ATP6AP2: variants seen among roughly 807,000 people sequenced by gnomAD.
ATP6AP2 encodes renin receptor.
In ATP6AP2, 1 loss-of-function variant was observed where a neutral mutation model predicts 23.4. The ratio of observed to expected loss-of-function variants is 0.04; its 90% CI spans 0.02 to 0.20. The LOEUF is 0.20. Among genes scored for constraint, ATP6AP2 ranks in the 10% least tolerant of loss-of-function variants. The pLI is 1.00. For synonymous variants in ATP6AP2, 90 were observed against 97.1 expected (o/e 0.93, Z 0.43); for missense variants, 174 against 271.3 (o/e 0.64, Z 2.52).
intron 1 of ATP6AP2, among the ~76,000 whole-genome samples, chrX:40,588,334 G>GCCC (rs58929123): frequency 1.0e-3 from 13 of 12,416 alleles, no homozygotes; most frequent in South Asian, 0.022. Context: ...TGACATGTAT[G>GCCC]CCCCCCCCCC....
intron 3 of ATP6AP2, 152 bp from the exon 4 acceptor site, chrX:40,597,097 C>G: frequency 2.0e-6 from 1 of 489,280 alleles, no homozygotes; most frequent in South Asian, 3.1e-5. Flanking sequence ...TCTGTGCCCT[C>G]AAAAGGGCTT....
At position 40,591,314 on chromosome X, in the gene ATP6AP2, G is replaced by A; in HGVS notation, c.249G>A (p.Val83=). 1 of 1,210,978 alleles carries A rather than the reference G, an allele frequency of 8.3e-7. No individual in the cohort carries two copies. The highest frequency in any genetic ancestry group is 1.1e-6 in the Non-Finnish European group (1 of 895,188). ...RATVMVMVKG[V]NKLALPPGSV... Reference sequence around the variant, plus strand: ...CCGTCATGGTGATGGTGAAGGGAGTGAACAAACTGGCTCTACCCCCAGGCA... The same window carrying A: ...CCGTCATGGTGATGGTGAAGGGAGTAAACAAACTGGCTCTACCCCCAGGCA... The change falls in exon 3 of 9, where the codon GTG becomes GTA. Residue 83 remains valine, a synonymous_variant. Coordinates refer to ENST00000636580, the MANE Select transcript of ATP6AP2 (RefSeq NM_005765.3).
At chrX:40,583,810 A>G (rs1344382583) in intron 1 of ATP6AP2, among the ~76,000 whole-genome samples, 1 of 112,017 alleles carries the variant, frequency 8.9e-6, no homozygotes, top group Non-Finnish European at 1.9e-5. Context: ...GCTGAGGAAG[A>G]TTTAAAGACG....
In ATP6AP2 at chrX:40,597,593, C is replaced by T. The variant is rs146371390; in HGVS notation, c.463C>T (p.Arg155Cys). Residue 155 changes from arginine (R) to cysteine (C), a missense_variant, in exon 5 of 9, where the codon CGT (arginine) becomes TGT (cysteine). Arg to Cys is a radical substitution (Grantham distance 180, BLOSUM62 -3). Transcript: ENST00000636580. ...CCTTTCAGTCACCTTGCGCCAGCTC[C>T]GTAATCGCCTGTTTCAAGAAAACTC... ...EDLSVTLRQL[R>C]NRLFQENSVL... is the part of the protein sequence containing the mutation. The T allele has an allele frequency of 3.8e-5, 46 of 1,208,012 alleles. No individual in the cohort carries two copies. In the African/African-American group the frequency reaches 6.3e-4, roughly 17 times the overall value.
intron 8 of ATP6AP2, among the ~76,000 whole-genome samples, chrX:40,604,335 A>G (rs911379198): frequency 8.9e-6 from 1 of 111,936 alleles, no homozygotes; most frequent in Non-Finnish European, 1.9e-5. Context: ...TCACAGTTCC[A>G]CATGGCTGGG....
At chrX:40,585,854 C>G (rs1926453748) in intron 1 of ATP6AP2, among the ~76,000 whole-genome samples, 2 of 110,282 alleles carry the variant, frequency 1.8e-5, no homozygotes, top group South Asian at 7.6e-4. Context: ...GACCCTGTCT[C>G]AAAAAATAAA....
In ATP6AP2 at chrX:40,606,110, C is replaced by G. The variant is rs1390842257; in HGVS notation, c.*355C>G. On this transcript the variant is annotated 3_prime_UTR_variant, in exon 9 of 9. Coordinates refer to ENST00000636580, the MANE Select transcript of ATP6AP2 (RefSeq NM_005765.3). ...GCACTGAATTTATTAGACAAACTTA[C>G]GAATGCTTAACTTCTTTACACAGCA... is the stretch of plus-strand genomic sequence containing the variant. The G allele has an allele frequency of 5.1e-6, 1 of 195,665 alleles. No homozygotes were observed. The highest frequency in any genetic ancestry group is 7.1e-5 in the Admixed American group (1 of 14,180). The allele number at this position is 195,665 out of a possible 1,213,427, so 16.1% of individuals were successfully genotyped here. A position where few individuals can be genotyped will look rare whatever the true frequency, so the allele number is the denominator to read the frequency against.
chrX:40,605,169 A>T lies in ATP6AP2; in HGVS notation c.859-392A>T, dbSNP rs1468743419. The T allele has an allele frequency of 2.1e-5, 3 of 139,698 alleles. No homozygotes were observed. In the East Asian group the frequency reaches 5.9e-4, roughly 28 times the overall value. The allele number at this position is 139,698 out of a possible 1,213,427, so 11.5% of individuals were successfully genotyped here. A position where few individuals can be genotyped will look rare whatever the true frequency, so the allele number is the denominator to read the frequency against. The stretch of plus-strand genomic sequence containing the variant: ...GCTCTGGAACTCCTGACCTCAGGTG[A>T]TCTGCCCGCCTTGGCCTCCCGAAGT... On this transcript the variant is annotated intron_variant, in intron 8 of 8. Transcript: ENST00000636580.
intron 1 of ATP6AP2, among the ~76,000 whole-genome samples, chrX:40,585,355 A>G (rs1052336687): frequency 9.0e-5 from 10 of 111,700 alleles, no homozygotes; most frequent in Non-Finnish European, 1.7e-4. Context: ...CCACTGCTTT[A>G]AAGGACAGGA....
intron 5 of ATP6AP2, chrX:40,597,970 T>C (rs746270412): frequency 1.9e-5 from 5 of 263,236 alleles, no homozygotes; most frequent in African/African-American, 2.8e-5. Flanking sequence ...AAACTGATCC[T>C]TTTTGTGAGT....
intron 5 of ATP6AP2, 160 bp from the exon 6 acceptor site, chrX:40,598,521 G>A: frequency 3.7e-6 from 2 of 535,572 alleles, no homozygotes; most frequent in Non-Finnish European, 3.2e-6. Flanking sequence ...TGTTTTATAT[G>A]CATTTTCAAT....
At chrX:40,602,927 TTTTTTTTTTTTTTTG>T (rs1441975345) in intron 8 of ATP6AP2, among the ~76,000 whole-genome samples, 6 of 25,320 alleles carry the variant, frequency 2.4e-4, no homozygotes, top group African/African-American at 5.3e-4. Flanking sequence ...TTTTTTTTTT[TTTTTTTTTTTTTTTG>T]GATTTTTTGG....
chrX:40,598,658 CT>C (rs759090833), intron 5 of ATP6AP2, 22 bp from the exon 6 acceptor site: 41 of 1,177,766 alleles, frequency 3.5e-5, no homozygotes, highest in Middle Eastern at 2.5e-4. Context: ...AAAGAATGCT[CT>C]TTTTTTTTGG....
intron 3 of ATP6AP2, chrX:40,591,831 CA>C (rs1926638336): frequency 6.4e-6 from 1 of 156,578 alleles, no homozygotes; most frequent in African/African-American, 3.1e-5. Context: ...GCCCTCCTTC[CA>C]TTATAAGCAT....
At chrX:40,593,582 C>T (rs767093724) in intron 3 of ATP6AP2, among the ~76,000 whole-genome samples, 6 of 110,661 alleles carry the variant, frequency 5.4e-5, no homozygotes, top group African/African-American at 2.0e-4. Flanking sequence ...TGTCATCTCA[C>T]TGCAACTTCT....
chrX:40,599,763 G>C, intron 7 of ATP6AP2, 22 bp downstream of exon 7: 1 of 1,208,680 alleles, frequency 8.3e-7, no homozygotes, highest in Non-Finnish European at 1.1e-6. Flanking sequence ...TGCGACATGA[G>C]AGGTTGGAGT....
rs2146543647 is a variant in ATP6AP2 at position 40,599,661 on chromosome X, G to C, written c.658G>C (p.Asp220His). The C allele has an allele frequency of 8.3e-7, 1 of 1,209,628 alleles. No homozygotes were observed. The highest frequency in any genetic ancestry group is 1.1e-6 in the Non-Finnish European group (1 of 894,949). ...ATATTCACTGGAGCTGGCAGGTTTG[G>C]ATGAAATTGGGAAGCGTTATGGGGA... ...DLYSLELAGL[D>H]EIGKRYGEDS... The change falls in exon 7 of 9, where the codon GAT becomes CAT. Residue 220 changes from aspartate (D) to histidine (H), a missense_variant. Transcript: ENST00000636580.
At chrX:40,587,597 C>T (rs1369126266) in intron 1 of ATP6AP2, among the ~76,000 whole-genome samples, 1 of 112,444 alleles carries the variant, frequency 8.9e-6, no homozygotes, top group Non-Finnish European at 1.9e-5. Context: ...TGGTACTTTC[C>T]TTAGGTCAAG....
Position 40,601,254 on chromosome X carries a change from A to T in ATP6AP2, c.858+373A>T, listed in dbSNP as rs774398231. On this transcript the variant is annotated intron_variant, in intron 8 of 8. Transcript: ENST00000636580. ...CAAGGCAGGAGGATTGCTTTAGCTC[A>T]GGAGGAGTTTGAGGCCAGTCTGAGG... 6.3e-5 allele frequency among the ~76,000 whole-genome samples: 7 copies of T among 111,200 alleles called. No individual in the cohort carries two copies. The Admixed American group carries it at 6.7e-4, about 11-fold the overall frequency.
Sources: allele counts gnomAD v4.1 joint callset (sites outside exome capture counted in the v4.1 genomes callset), GRCh38; gene constraint gnomAD v4.1.1; transcripts MANE v1.5; gene names NCBI Gene and HGNC (gene_info 2026-07-23, HGNC 2026-07-21).